Variants in CACNB4 observed in about 807,000 individuals in gnomAD.
The protein encoded by CACNB4 is calcium voltage-gated channel auxiliary subunit beta 4.
CACNB4 carries 32 observed loss-of-function variants against 71.2 expected under a neutral mutation model. The ratio of observed to expected loss-of-function variants is 0.45; its 90% CI spans 0.34 to 0.60. The LOEUF is 0.60. Among genes scored for constraint, CACNB4 ranks in the 20% least tolerant of loss-of-function variants. CACNB4 has a pLI of 0.01. For synonymous variants in CACNB4, 231 were observed against 236.9 expected (o/e 0.97, Z 0.23); for missense variants, 464 against 647.9 (o/e 0.72, Z 3.08).
chr2:151,915,803 C>A (rs972765126), intron 2 of CACNB4, among the ~76,000 whole-genome samples: 1 of 141,400 alleles, frequency 7.1e-6, no homozygotes. Context: ...GCTGAGATTG[C>A]GCCATAGCAC....
At chr2:151,942,715 G>A (rs747332223) in intron 2 of CACNB4, among the ~76,000 whole-genome samples, 3 of 152,144 alleles carry the variant, frequency 2.0e-5, no homozygotes, top group Non-Finnish European at 4.4e-5. Flanking sequence ...GTCTATAAAC[G>A]GCCGCTCTAG....
chr2:151,838,980 C>A lies in CACNB4; in HGVS notation c.*139G>T. The stretch of plus-strand genomic sequence containing the variant: ...GGGCATAATGTAATTTTTTTTTTTG[C>A]CCCTTACTTAGCATAAAATGACAGC... On this transcript the variant is annotated 3_prime_UTR_variant, in exon 14 of 14. Coordinates refer to ENST00000539935, the MANE Select transcript of CACNB4 (RefSeq NM_000726.5). 1 of 641,162 alleles carries A rather than the reference C, an allele frequency of 1.6e-6. No individual in the cohort carries two copies. The allele number at this position is 641,162 out of a possible 1,614,324, so 39.7% of individuals were successfully genotyped here.
At chr2:151,880,045 G>C (rs919916342) in intron 4 of CACNB4, 2 of 152,198 alleles carry the variant, frequency 1.3e-5, no homozygotes, top group African/African-American at 4.8e-5. Context: ...TTCAGGTCAA[G>C]AGTTCTTGTC....
intron 2 of CACNB4, among the ~76,000 whole-genome samples, chr2:151,905,955 G>A (rs1033241200): frequency 1.3e-5 from 2 of 152,204 alleles, no homozygotes; most frequent in Non-Finnish European, 2.9e-5. Flanking sequence ...TAAAAAGAGT[G>A]TTTAGTCAAA....
chr2:151,947,693 A>G (rs541170796), intron 2 of CACNB4, among the ~76,000 whole-genome samples: 3 of 152,258 alleles, frequency 2.0e-5, no homozygotes, highest in Admixed American at 6.5e-5. Flanking sequence ...CAAGGCTTCT[A>G]TTTGGGAATG....
intron 2 of CACNB4, among the ~76,000 whole-genome samples, chr2:152,077,942 A>G (rs999428580): frequency 6.6e-6 from 1 of 152,164 alleles, no homozygotes; most frequent in Admixed American, 6.6e-5. Flanking sequence ...CTTTTTAAAA[A>G]GATAACTCTG....
chr2:151,875,315 G>C (rs1285424406), intron 5 of CACNB4, among the ~76,000 whole-genome samples: 1 of 148,112 alleles, frequency 6.8e-6, no homozygotes, highest in African/African-American at 2.5e-5. Context: ...TGGGGGTAAG[G>C]TCATAGATCA....
rs1474987371 is a variant in CACNB4 at position 152,098,885 on chromosome 2, G to A, written c.63+64C>T. ...CCGGCACGAAGGCGGGGCGCGCTAG[G>A]GCGGCGGAGGAGGTGTGAGGAAGGA... On this transcript the variant is annotated intron_variant, in intron 1 of 13. Transcript: ENST00000539935. This position sits in a 1 kb window ranked among gnomAD's most constrained non-coding sequence, Gnocchi z 5.3. The A allele has an allele frequency of 1.6e-6, 2 of 1,256,434 alleles. No homozygotes were observed. The highest frequency in any genetic ancestry group is 1.5e-5 in the African/African-American group (1 of 65,842). The allele number at this position is 1,256,434 out of a possible 1,614,324, so 77.8% of individuals were successfully genotyped here.
chr2:151,981,888 T>C (rs1199900819), intron 2 of CACNB4, among the ~76,000 whole-genome samples: 1 of 152,176 alleles, frequency 6.6e-6, no homozygotes, highest in East Asian at 1.9e-4. Context: ...TAGAAAAATC[T>C]AGCTGACTCT....
intron 2 of CACNB4, among the ~76,000 whole-genome samples, chr2:151,988,682 A>G (rs1681514797): frequency 6.6e-6 from 1 of 152,282 alleles, no homozygotes; most frequent in East Asian, 1.9e-4. Context: ...CCTCCCTGCC[A>G]TATCCTTGAG....
At chr2:152,001,050 G>A (rs754206408) in intron 2 of CACNB4, among the ~76,000 whole-genome samples, 12 of 152,154 alleles carry the variant, frequency 7.9e-5, no homozygotes, top group Non-Finnish European at 1.5e-4. Flanking sequence ...AAATCTCACC[G>A]AATCTTTTCA....
chr2:151,957,607 C>G (rs953503229), intron 2 of CACNB4, among the ~76,000 whole-genome samples: 6 of 152,040 alleles, frequency 3.9e-5, no homozygotes, highest in African/African-American at 1.2e-4. Context: ...TCGAGCTGAC[C>G]AAGACAATAA....
chr2:151,843,922 A>C (rs1186295549), intron 12 of CACNB4, among the ~76,000 whole-genome samples: 1 of 152,164 alleles, frequency 6.6e-6, no homozygotes, highest in Non-Finnish European at 1.5e-5. Context: ...TTTATGGAAA[A>C]TTTTGGCCTT....
At chr2:151,875,259 A>C (rs531104034) in intron 5 of CACNB4, among the ~76,000 whole-genome samples, 1 of 148,082 alleles carries the variant, frequency 6.8e-6, no homozygotes, top group Non-Finnish European at 1.5e-5. Context: ...CCCTTAATCC[A>C]TTTAACCCTG....
chr2:151,924,411 C>A (rs1380291510), intron 2 of CACNB4, among the ~76,000 whole-genome samples: 1 of 151,192 alleles, frequency 6.6e-6, no homozygotes, highest in Non-Finnish European at 1.5e-5. Flanking sequence ...GCAGCTATTA[C>A]TACTATACAA....
At chr2:151,841,690 TCA>T in intron 13 of CACNB4, 1 of 496,088 alleles carries the variant, frequency 2.0e-6, no homozygotes, top group Non-Finnish European at 3.5e-6. Context: ...CACTGTAAAT[TCA>T]CAGACAGCAT....
intron 2 of CACNB4, among the ~76,000 whole-genome samples, chr2:152,039,588 A>G (rs1684773120): frequency 2.0e-5 from 3 of 152,252 alleles, no homozygotes; most frequent in Middle Eastern, 3.4e-3. Context: ...TTCCAACTAC[A>G]TTATTTGTTC....
At chr2:152,081,046 A>G (rs2105419459) in intron 2 of CACNB4, among the ~76,000 whole-genome samples, 1 of 152,010 alleles carries the variant, frequency 6.6e-6, no homozygotes, top group Middle Eastern at 3.4e-3. Flanking sequence ...AAATAAACCT[A>G]TTTTCTTTAT....
At chr2:152,099,057 G>C, upstream of CACNB4, 1 of 1,386,420 alleles carries the variant, frequency 7.2e-7, no homozygotes, top group Non-Finnish European at 9.7e-7. Flanking sequence ...TGGGCGGAGG[G>C]GGCTGGCCCC....
Sources: allele counts gnomAD v4.1 joint callset (sites outside exome capture counted in the v4.1 genomes callset), GRCh38; gene constraint gnomAD v4.1.1; non-coding constraint Gnocchi (gnomAD v3.1); transcripts MANE v1.5; gene names NCBI Gene and HGNC (gene_info 2026-07-23, HGNC 2026-07-21).